The following OPCML variants were observed in gnomAD, a reference collection of about 807,000 sequenced individuals.
The protein encoded by OPCML is opioid binding protein/cell adhesion molecule like, also known as opioid-binding protein/cell adhesion molecule.
A neutral mutation model predicts 37.8 loss-of-function variants in OPCML; 13 were observed. The observed-to-expected ratio is 0.34, with a 90% CI of 0.22 to 0.55. The LOEUF (loss-of-function observed/expected upper bound fraction) is 0.55. Among genes scored for constraint, OPCML ranks in the 20% least tolerant of loss-of-function variants. The pLI is 0.91. For synonymous variants in OPCML, 176 were observed against 168.8 expected (o/e 1.04, Z -0.33); for missense variants, 341 against 435.6 (o/e 0.78, Z 1.93).
chr11:132,943,642 C>T lies in OPCML; in HGVS notation c.62-632G>A, dbSNP rs1479246428. 6.5e-6 allele frequency: 1 copy of T among 153,928 alleles called. No homozygotes were observed. Among genetic ancestry groups the T allele is most frequent in the Non-Finnish European group, 1.4e-5 (1 of 69,380 alleles). 9.5% of individuals were successfully genotyped at this position (153,928 alleles called of 1,614,324 possible). ...CCAGCCCCAGGTCTCGCATCTGGAACCCCAAGGCGGCAAAAAGTTCCAAGG... is the reference window on the plus strand; with the variant it reads ...CCAGCCCCAGGTCTCGCATCTGGAATCCCAAGGCGGCAAAAAGTTCCAAGG... On this transcript the variant is annotated intron_variant, in intron 1 of 7. Transcript: ENST00000524381. This position sits in a 1 kb window ranked among gnomAD's most constrained non-coding sequence, Gnocchi z 4.3.
chr11:133,250,504 GAGGGAGAGAGGGAGGGA>G (rs1421796773), intron 1 of OPCML, among the ~76,000 whole-genome samples: 38 of 128,624 alleles, frequency 3.0e-4, no homozygotes, highest in African/African-American at 1.0e-3. Context: ...GGGAGGAAGG[GAGGGAGAGAGGGAGGGA>G]AGGGAGGGAG....
chr11:133,210,216 C>T (rs1410199037), intron 1 of OPCML, among the ~76,000 whole-genome samples: 1 of 152,144 alleles, frequency 6.6e-6, no homozygotes, highest in Non-Finnish European at 1.5e-5. Context: ...AGTAATTGGG[C>T]TCTCCAAAGC....
At chr11:133,498,228 G>A (rs1271165760) in intron 1 of OPCML, among the ~76,000 whole-genome samples, 1 of 152,162 alleles carries the variant, frequency 6.6e-6, no homozygotes, top group Admixed American at 6.5e-5. Flanking sequence ...TCTCTCCCAG[G>A]AGCACCTCTC....
intron 1 of OPCML, among the ~76,000 whole-genome samples, chr11:133,518,214 A>G (rs1948323722): frequency 6.7e-6 from 1 of 149,850 alleles, no homozygotes; most frequent in African/African-American, 2.5e-5. Context: ...AGCGTGTATA[A>G]GTGTGTGGGG....
At chr11:132,481,036 A>T (rs141672097) in intron 4 of OPCML, among the ~76,000 whole-genome samples, 293 of 152,310 alleles carry the variant, frequency 1.9e-3, no homozygotes, top group Non-Finnish European at 3.4e-3. Context: ...ATTAACTTTA[A>T]ATATTAACTT....
chr11:132,479,281 C>T (rs758414532), intron 4 of OPCML, among the ~76,000 whole-genome samples: 7 of 151,832 alleles, frequency 4.6e-5, no homozygotes, highest in East Asian at 1.9e-4. Context: ...CCTGGAAAAT[C>T]GGGTCACTCC....
At chr11:133,479,082 T>C (rs1253125830) in intron 1 of OPCML, among the ~76,000 whole-genome samples, 2 of 152,244 alleles carry the variant, frequency 1.3e-5, no homozygotes, top group South Asian at 2.1e-4. Flanking sequence ...AAATGACTTA[T>C]GTAGCGTTTA....
rs71067396 is a variant in OPCML, at chr11:132,796,565, CTTTTTTTT to C, written c.147-139254_147-139247del. 8.8e-3 allele frequency among the ~76,000 whole-genome samples: 777 copies of C among 88,594 alleles called. 6 individuals carry two copies. Among genetic ancestry groups the C allele is most frequent in the African/African-American group, 0.032 (712 of 22,136 alleles). The allele number at this position is 88,594 out of a possible 152,430, so 58.1% of individuals were successfully genotyped here. ...TTATTATTATCCACTTTTCTTCTTT[CTTTTTTTT>C]TTTTTTTTTTTTTTTTTTGATACGG... On this transcript the variant is annotated intron_variant, in intron 2 of 7. Coordinates refer to ENST00000524381, the MANE Select transcript of OPCML (RefSeq NM_001012393.5).
At chr11:133,149,998 T>G (rs1174654462) in intron 1 of OPCML, among the ~76,000 whole-genome samples, 2 of 152,224 alleles carry the variant, frequency 1.3e-5, no homozygotes, top group Non-Finnish European at 1.5e-5. Flanking sequence ...ACTCCGTCCC[T>G]GCCTACAGAG....
intron 2 of OPCML, among the ~76,000 whole-genome samples, chr11:132,942,610 C>G (rs1254830128): frequency 6.6e-6 from 1 of 152,162 alleles, no homozygotes; most frequent in Non-Finnish European, 1.5e-5. Context: ...GTGTTTCAAA[C>G]CCATGCACTC....
chr11:132,956,701 T>C (rs1327849308), intron 1 of OPCML, among the ~76,000 whole-genome samples: 2 of 152,190 alleles, frequency 1.3e-5, no homozygotes, highest in Non-Finnish European at 2.9e-5. Context: ...CGTCCACTAA[T>C]GCCCCATACC....
intron 2 of OPCML, among the ~76,000 whole-genome samples, chr11:132,910,519 G>A (rs1279796507): frequency 6.6e-6 from 1 of 152,150 alleles, no homozygotes; most frequent in Non-Finnish European, 1.5e-5. Context: ...ACCCTGAACC[G>A]CATCCCAGGT....
At chr11:132,834,686 T>C (rs1940907200) in intron 2 of OPCML, among the ~76,000 whole-genome samples, 1 of 152,174 alleles carries the variant, frequency 6.6e-6, no homozygotes, top group Admixed American at 6.5e-5. Flanking sequence ...CTTATAAGGG[T>C]ATTAGCCATA....
At chr11:132,939,743 G>A (rs1482777043) in intron 2 of OPCML, among the ~76,000 whole-genome samples, 1 of 152,128 alleles carries the variant, frequency 6.6e-6, no homozygotes, top group East Asian at 1.9e-4. Context: ...GAACATCCTG[G>A]GCTCCTTTCC....
chr11:133,192,055 G>A (rs1190740778), intron 1 of OPCML, among the ~76,000 whole-genome samples: 1 of 152,198 alleles, frequency 6.6e-6, no homozygotes, highest in Non-Finnish European at 1.5e-5. Flanking sequence ...AAAGAACAAT[G>A]AGACTTCATT....
chr11:132,782,206 A>C (rs1947056533), intron 2 of OPCML, among the ~76,000 whole-genome samples: 1 of 151,250 alleles, frequency 6.6e-6, no homozygotes, highest in African/African-American at 2.4e-5. Flanking sequence ...TGAGGAGAGG[A>C]AGCGAACGCA....
intron 1 of OPCML, among the ~76,000 whole-genome samples, chr11:133,256,788 A>T (rs1052633728): frequency 6.6e-6 from 1 of 152,234 alleles, no homozygotes; most frequent in Non-Finnish European, 1.5e-5. Flanking sequence ...AATACAGTTA[A>T]AAGTGTGCAG....
At chr11:133,039,729 C>T (rs571943311) in intron 1 of OPCML, among the ~76,000 whole-genome samples, 2 of 152,172 alleles carry the variant, frequency 1.3e-5, no homozygotes, top group South Asian at 2.1e-4. Context: ...ATCAGGCAGA[C>T]GTCGTGGACC....
At position 133,250,407 on chromosome 11, in the gene OPCML, G is replaced by A. The variant is rs184952399; in HGVS notation, c.61+281857C>T. On this transcript the variant is annotated intron_variant, in intron 1 of 7. Coordinates refer to ENST00000524381, the MANE Select transcript of OPCML (RefSeq NM_001012393.5). ...GAGGAAGGAAGAAAGAAGGAAAGAA[G>A]AAGGAAGGAAGGAAGGAAAGAAGGA... Among the ~76,000 whole-genome samples, 160 of 149,008 alleles carry A rather than the reference G, an allele frequency of 1.1e-3. 1 individual carries two copies. Among genetic ancestry groups the A allele is most frequent in the Middle Eastern group, 7.0e-3 (2 of 284 alleles).
Sources: allele counts gnomAD v4.1 joint callset (sites outside exome capture counted in the v4.1 genomes callset), GRCh38; gene constraint gnomAD v4.1.1; non-coding constraint Gnocchi (gnomAD v3.1); transcripts MANE v1.5; gene names NCBI Gene and HGNC (gene_info 2026-07-23, HGNC 2026-07-21).